Variants in ADAMTS2 observed in about 807,000 individuals in gnomAD.
ADAMTS2 encodes ADAM metallopeptidase with thrombospondin type 1 motif 2, also known as A disintegrin and metalloproteinase with thrombospondin motifs 2.
A neutral mutation model predicts 123.0 loss-of-function variants in ADAMTS2; 50 were observed. The observed-to-expected ratio is 0.41, with a 90% CI of 0.32 to 0.51. The LOEUF is 0.51. ADAMTS2 is among the 20% of genes least tolerant of loss of function. ADAMTS2 has a pLI of 0.35. For missense variants in ADAMTS2, 1,494 were observed against 1,705.2 expected, an observed-to-expected ratio of 0.88 and a Z score of 2.18; for synonymous variants, 678 against 695.4, an observed-to-expected ratio of 0.98 and a Z score of 0.39.
At chr5:179,275,203 A>G (rs55715334) in intron 2 of ADAMTS2, among the ~76,000 whole-genome samples, 15,214 of 152,148 alleles carry the variant, frequency 0.1, 994 homozygotes, top group East Asian at 0.22. Flanking sequence ...GCTGCGGAAC[A>G]AAAATGGGTC....
intron 2 of ADAMTS2, among the ~76,000 whole-genome samples, chr5:179,335,115 A>G (rs956833949): frequency 5.3e-5 from 8 of 152,222 alleles, no homozygotes; most frequent in African/African-American, 1.9e-4. Flanking sequence ...AAAATTTTGT[A>G]AGAGAATACC....
chr5:179,207,458 C>G, intron 4 of ADAMTS2, 55 bp downstream of exon 4: 1 of 1,571,334 alleles, frequency 6.4e-7, no homozygotes, highest in Non-Finnish European at 8.7e-7. Flanking sequence ...CTGGCCTGCC[C>G]AGCCCCTGGT....
At chr5:179,153,689 A>G (rs1763411806) in intron 8 of ADAMTS2, 66 bp from the exon 9 acceptor site, 6 of 1,544,024 alleles carry the variant, frequency 3.9e-6, no homozygotes, top group African/African-American at 1.3e-5. Context: ...CCCTGGAGGC[A>G]GCTGAGGCCC....
intron 4 of ADAMTS2, among the ~76,000 whole-genome samples, chr5:179,186,824 C>T (rs1359753755): frequency 6.6e-6 from 1 of 150,866 alleles, no homozygotes; most frequent in African/African-American, 2.4e-5. Flanking sequence ...CCAACGGTCC[C>T]CCTCGTGTCC....
rs143769077 is a variant in ADAMTS2, at chr5:179,327,992, G to A, written c.534+15775C>T. Among the ~76,000 whole-genome samples the A allele has an allele frequency of 6.2e-4, 94 of 152,262 alleles. 1 individual carries two copies. Among genetic ancestry groups the A allele is most frequent in the South Asian group, 3.9e-3 (19 of 4,818 alleles). On this transcript the variant is annotated intron_variant, in intron 2 of 21. Coordinates refer to ENST00000251582, the MANE Select transcript of ADAMTS2 (RefSeq NM_014244.5). ...TAGAGAAACTCATATATCTGGGAACGCAAACATGGGAAACATCCAAGCGAG... is the reference window on the plus strand; with the variant it reads ...TAGAGAAACTCATATATCTGGGAACACAAACATGGGAAACATCCAAGCGAG...
At position 179,158,096 on chromosome 5, in the gene ADAMTS2, C is replaced by G. The variant is rs1237479158; in HGVS notation, c.1132+627G>C. Reference sequence around the variant, plus strand: ...TCTCCTGCCTCAGCCTCCCGGGTAGCTGGGACTACAGGCGCCCGCCACCAT... The same window carrying G: ...TCTCCTGCCTCAGCCTCCCGGGTAGGTGGGACTACAGGCGCCCGCCACCAT... On this transcript the variant is annotated intron_variant, in intron 6 of 21. Coordinates refer to ENST00000251582, the MANE Select transcript of ADAMTS2 (RefSeq NM_014244.5). The surrounding 1 kb of genome is among the most constrained non-coding windows in gnomAD (Gnocchi z 5.0). 1.3e-5 allele frequency among the ~76,000 whole-genome samples: 2 copies of G among 152,060 alleles called. No homozygotes were observed. The highest frequency in any genetic ancestry group is 3.9e-4 in the East Asian group (2 of 5,184).
rs1024760998 is a variant in ADAMTS2, at chr5:179,332,322, A to C, written c.534+11445T>G. Among the ~76,000 whole-genome samples, 21 of 152,166 alleles carry C rather than the reference A, an allele frequency of 1.4e-4. No homozygotes were observed. The highest frequency in any genetic ancestry group is 1.2e-3 in the Admixed American group (18 of 15,282). On this transcript the variant is annotated intron_variant, in intron 2 of 21. Coordinates refer to ENST00000251582, the MANE Select transcript of ADAMTS2 (RefSeq NM_014244.5). The surrounding 1 kb of genome is among the most constrained non-coding windows in gnomAD (Gnocchi z 4.2). Reference sequence around the variant, plus strand: ...CTGTTCACCAACCCAAAGCTCTCCAAACCTTGTCATTTAGGGGTTTTCATG... The same window carrying C: ...CTGTTCACCAACCCAAAGCTCTCCACACCTTGTCATTTAGGGGTTTTCATG...
Position 179,140,015 on chromosome 5 carries a change from G to T in ADAMTS2, c.1650C>A (p.Cys550Ter). ...TGAGGATGTCAGGTGTCAGCCAGAT[G>T]CAGTGTCCTTTAAAACAATGCTGAA... is the stretch of plus-strand genomic sequence containing the variant. ...APGKHCFKGH[C>*]IWLTPDILKR... is the part of the protein sequence containing the mutation. Residue 550 changes from cysteine to a stop codon, truncating the protein, a stop_gained, in exon 11 of 22, where the codon TGC becomes TGA. Transcript: ENST00000251582. LOFTEE classifies it high-confidence loss of function. 1 of 1,614,152 alleles carries T rather than the reference G, an allele frequency of 6.2e-7. No homozygotes were observed. The highest frequency in any genetic ancestry group is 8.5e-7 in the Non-Finnish European group (1 of 1,180,026).
chr5:179,223,724 ATACATTCATCACATGTGAGT>A (rs1287072064), intron 3 of ADAMTS2, among the ~76,000 whole-genome samples: 1 of 152,266 alleles, frequency 6.6e-6, no homozygotes, highest in Non-Finnish European at 1.5e-5. Context: ...ACGCACATGC[ATACATTCATCACATGTGAGT>A]GTATGTGAGT....
At chr5:179,176,765 C>T (rs1236869493) in intron 5 of ADAMTS2, among the ~76,000 whole-genome samples, 2 of 152,342 alleles carry the variant, frequency 1.3e-5, no homozygotes, top group African/African-American at 4.8e-5. Context: ...CATGGGCAAG[C>T]CAAACCCCTT....
intron 5 of ADAMTS2, among the ~76,000 whole-genome samples, chr5:179,163,646 C>T (rs1006793980): frequency 1.3e-5 from 2 of 152,242 alleles, no homozygotes; most frequent in Non-Finnish European, 2.9e-5. Flanking sequence ...TCACCTCTCT[C>T]CTCCCAGATG....
intron 8 of ADAMTS2, 96 bp downstream of exon 8, chr5:179,153,953 G>A (rs1444529152): frequency 1.1e-5 from 17 of 1,492,788 alleles, no homozygotes; most frequent in Middle Eastern, 2.2e-4. Context: ...ACCTGAGGTC[G>A]GAGGGCTCTG....
rs1026878930 is a variant in ADAMTS2 at position 179,142,152 on chromosome 5, A to G, written c.1630-2117T>C. Among the ~76,000 whole-genome samples, 2 of 152,186 alleles carry G rather than the reference A, an allele frequency of 1.3e-5. 1 individual carries two copies. The highest frequency in any genetic ancestry group is 4.8e-5 in the African/African-American group (2 of 41,448). On this transcript the variant is annotated intron_variant, in intron 10 of 21. Coordinates refer to ENST00000251582, the MANE Select transcript of ADAMTS2 (RefSeq NM_014244.5). Reference sequence around the variant, plus strand: ...GACTTTGATCTGAAACAGAGCGTGGAGGATGTTCATGTCTAAGGGCACTGT... The same window carrying G: ...GACTTTGATCTGAAACAGAGCGTGGGGGATGTTCATGTCTAAGGGCACTGT...
rs1415704720 is a variant in ADAMTS2, at chr5:179,185,512, C to A, written c.892-4357G>T. Among the ~76,000 whole-genome samples the A allele has an allele frequency of 6.6e-6, 1 of 152,130 alleles. No individual in the cohort carries two copies. The highest frequency in any genetic ancestry group is 1.5e-5 in the Non-Finnish European group (1 of 68,008). The stretch of plus-strand genomic sequence containing the variant: ...AGATCTTCCCACTCTCCTAGCCCTA[C>A]CCCTGGGGCCGAAGGTGGCAGCTCT... On this transcript the variant is annotated intron_variant, in intron 4 of 21. Transcript: ENST00000251582. This position sits in a 1 kb window ranked among gnomAD's most constrained non-coding sequence, Gnocchi z 5.9.
intron 2 of ADAMTS2, among the ~76,000 whole-genome samples, chr5:179,279,578 T>C (rs1416878341): frequency 6.6e-6 from 1 of 152,182 alleles, no homozygotes; most frequent in Admixed American, 6.5e-5. Context: ...CCAGGGCGCC[T>C]CCTCTCAGAG....
intron 19 of ADAMTS2, 63 bp from the exon 20 acceptor site, chr5:179,122,836 G>A (rs1006632514): frequency 1.9e-6 from 3 of 1,548,184 alleles, no homozygotes; most frequent in Admixed American, 2.0e-5. Flanking sequence ...TGGCAGAGCT[G>A]GAGGAGCCCA....
intron 2 of ADAMTS2, among the ~76,000 whole-genome samples, chr5:179,290,952 C>T (rs1385523744): frequency 1.3e-5 from 2 of 152,200 alleles, no homozygotes; most frequent in East Asian, 1.9e-4. Flanking sequence ...TGGGCCCTGC[C>T]GTTCCCTTCA....
chr5:179,254,730 G>A lies in ADAMTS2; in HGVS notation c.688+18181C>T, dbSNP rs557106934. Among the ~76,000 whole-genome samples the A allele has an allele frequency of 4.6e-5, 7 of 152,322 alleles. No individual in the cohort carries two copies. In the South Asian group the frequency reaches 1.4e-3, roughly 32 times the overall value. Reference sequence around the variant, plus strand: ...GACTCTCCTATCAACTGTTGATGGCGTCAAAGATGCACAGAAATATATTTT... The same window carrying A: ...GACTCTCCTATCAACTGTTGATGGCATCAAAGATGCACAGAAATATATTTT... On this transcript the variant is annotated intron_variant, in intron 3 of 21. Coordinates refer to ENST00000251582, the MANE Select transcript of ADAMTS2 (RefSeq NM_014244.5).
chr5:179,292,020 A>G (rs1389862697), intron 2 of ADAMTS2, among the ~76,000 whole-genome samples: 2 of 152,166 alleles, frequency 1.3e-5, no homozygotes, highest in Non-Finnish European at 2.9e-5. Flanking sequence ...CTGGGATTAC[A>G]GATGTGAGCC....
Sources: allele counts gnomAD v4.1 joint callset (sites outside exome capture counted in the v4.1 genomes callset), GRCh38; gene constraint gnomAD v4.1.1; non-coding constraint Gnocchi (gnomAD v3.1); transcripts MANE v1.5; gene names NCBI Gene and HGNC (gene_info 2026-07-23, HGNC 2026-07-21).